PROM2: variants seen among roughly 807,000 people sequenced by gnomAD.
PROM2 encodes the protein prominin-2.
Under a neutral mutation model 110.2 loss-of-function variants are expected in PROM2, and 90 were observed. That is an observed-to-expected ratio of 0.82 (90% confidence interval 0.69 to 0.97). The LOEUF (loss-of-function observed/expected upper bound fraction) is 0.97, where lower values mean the gene tolerates loss of function less well. PROM2 is among the 50% of genes least tolerant of loss of function. The pLI, the probability that PROM2 is intolerant of heterozygous loss-of-function variation, is 0.00. For synonymous variants in PROM2, 470 were observed against 467.8 expected, an observed-to-expected ratio of 1.00 and a Z score of -0.06; for missense variants, 1,009 against 1,074.8, an observed-to-expected ratio of 0.94 and a Z score of 0.86.
chr2:95,276,621 T>C lies in PROM2; in HGVS notation c.646T>C (p.Ser216Pro), dbSNP rs770524606. 3.7e-6 allele frequency: 6 copies of C among 1,613,252 alleles called. No individual in the cohort carries two copies. The East Asian group carries it at 1.3e-4, about 36-fold the overall frequency. Residue 216 changes from serine (S) to proline (P), a missense_variant, in exon 5 of 24, where the codon TCC (serine) becomes CCC (proline). Coordinates refer to ENST00000317620, the MANE Select transcript of PROM2 (RefSeq NM_001165978.3). The surrounding 1 kb of genome is among the most constrained non-coding windows in gnomAD (Gnocchi z 4.6). ...GCTGCAGGCCGTGGCACAGCAATTC[T>C]CCCTGCCCCAGGAGCAAGTCTCAGA... is the stretch of plus-strand genomic sequence containing the variant. The part of the protein sequence containing the change: ...QELQAVAQQF[S>P]LPQEQVSEEL...
At position 95,290,355 on chromosome 2, in the gene PROM2, G is replaced by T. The variant is rs1206991939; in HGVS notation, c.*1142G>T. 1 of 152,178 alleles carries T rather than the reference G, an allele frequency of 6.6e-6. No homozygotes were observed. Among genetic ancestry groups the T allele is most frequent in the Non-Finnish European group, 1.5e-5 (1 of 68,036 alleles). 9.4% of individuals were successfully genotyped at this position (152,178 alleles called of 1,614,324 possible). A position where few individuals can be genotyped will look rare whatever the true frequency, so the allele number is the denominator to read the frequency against. ...GGGTCCTTAAAACCAGGTTTCCTAGGCTGGGACCCTGTACATAGTTGGTGT... is the reference window on the plus strand; with the variant it reads ...GGGTCCTTAAAACCAGGTTTCCTAGTCTGGGACCCTGTACATAGTTGGTGT... On this transcript the variant is annotated 3_prime_UTR_variant, in exon 24 of 24. Transcript: ENST00000317620.
At position 95,274,798 on chromosome 2, in the gene PROM2, C is replaced by G. The variant is rs1452612785; in HGVS notation, c.213C>G (p.Leu71=). 2 of 1,602,436 alleles carry G rather than the reference C, an allele frequency of 1.2e-6. No homozygotes were observed. Among genetic ancestry groups the G allele is most frequent in the South Asian group, 1.1e-5 (1 of 90,470 alleles). Reference sequence around the variant, plus strand: ...TCTATGGCACCGTGCGCCGCTTCCTCTCGGTGGTGCAGCTCAATCCTTTCC... The same window carrying G: ...TCTATGGCACCGTGCGCCGCTTCCTGTCGGTGGTGCAGCTCAATCCTTTCC... ...DSLYGTVRRF[L]SVVQLNPFPS... The change falls in exon 1 of 24, where the codon CTC becomes CTG. Residue 71 remains leucine (L), a synonymous_variant. Transcript: ENST00000317620.
chr2:95,288,092 C>A, intron 20 of PROM2, 119 bp from the exon 21 acceptor site: 1 of 928,594 alleles, frequency 1.1e-6, no homozygotes, highest in South Asian at 1.5e-5. Flanking sequence ...GTGCGGTGGC[C>A]CCAATGGTGT....
At position 95,282,130 on chromosome 2, in the gene PROM2, A is replaced by G; in HGVS notation, c.1644-12A>G. On this transcript the variant is annotated splice_polypyrimidine_tract_variant and intron_variant, in intron 13 of 23. Coordinates refer to ENST00000317620, the MANE Select transcript of PROM2 (RefSeq NM_001165978.3). Reference sequence around the variant, plus strand: ...CCAAGGCTCATCGTCTGCACCCCTCACTCCTCCTCAGGCAGTGCAAGGAAG... The same window carrying G: ...CCAAGGCTCATCGTCTGCACCCCTCGCTCCTCCTCAGGCAGTGCAAGGAAG... 1.2e-6 allele frequency: 2 copies of G among 1,609,542 alleles called. No homozygotes were observed. The highest frequency in any genetic ancestry group is 8.5e-7 in the Non-Finnish European group (1 of 1,178,642).
Position 95,285,118 on chromosome 2 carries a change from C to T in PROM2, c.1875+3C>T. The T allele has an allele frequency of 6.4e-7, 1 of 1,557,688 alleles. No individual in the cohort carries two copies. Among genetic ancestry groups the T allele is most frequent in the Non-Finnish European group, 8.7e-7 (1 of 1,148,916 alleles). On this transcript the variant is annotated splice_donor_region_variant and intron_variant, in intron 15 of 23. Transcript: ENST00000317620. ...ACTACCCCGACTTCCTCGTTCAGGT[C>T]AGCGGTGGGCACCTCAGCAGGGCTT...
Position 95,281,915 on chromosome 2 carries a change from C to G in PROM2, c.1552-10C>G. The stretch of plus-strand genomic sequence containing the variant: ...CGCTCTGTGCCCATTTCTCACTGCC[C>G]CATCCCCAGTTTGCAGACACCCCAG... On this transcript the variant is annotated splice_polypyrimidine_tract_variant and intron_variant, in intron 12 of 23. Transcript: ENST00000317620. The G allele has an allele frequency of 6.2e-7, 1 of 1,611,074 alleles. No individual in the cohort carries two copies. Among genetic ancestry groups the G allele is most frequent in the Non-Finnish European group, 8.5e-7 (1 of 1,177,348 alleles).
At chr2:95,274,882 C>G in intron 1 of PROM2, 53 bp downstream of exon 1, 1 of 1,494,242 alleles carries the variant, frequency 6.7e-7, no homozygotes, top group Non-Finnish European at 8.9e-7. Flanking sequence ...CCCAGCCCGG[C>G]TTCCTCTGTC....
chr2:95,291,208 G>C lies in PROM2; in HGVS notation c.*1995G>C, dbSNP rs1461043262. On this transcript the variant is annotated 3_prime_UTR_variant, in exon 24 of 24. Transcript: ENST00000317620. ...ACTGCCTCTTTTTGCTTTTCCTAGA[G>C]GTTTTTTTTTTGCTTGTTACTCATC... 6.6e-6 allele frequency: 1 copy of C among 151,792 alleles called. No homozygotes were observed. The highest frequency in any genetic ancestry group is 1.5e-5 in the Non-Finnish European group (1 of 67,954). 9.4% of individuals were successfully genotyped at this position (151,792 alleles called of 1,614,324 possible).
At chr2:95,285,583 G>C (rs553107554) in intron 15 of PROM2, 56 bp from the exon 16 acceptor site, 2 of 1,455,970 alleles carry the variant, frequency 1.4e-6, no homozygotes, top group African/African-American at 1.4e-5. Context: ...ATCAGGTGGT[G>C]GTGGGCCCCA....
At chr2:95,278,509 G>A (rs1416299747) in intron 8 of PROM2, 1 of 624,888 alleles carries the variant, frequency 1.6e-6, no homozygotes, top group Non-Finnish European at 2.9e-6. Context: ...GAGAGGGATG[G>A]GGGTAGGAAG....
At chr2:95,285,168 A>C in intron 15 of PROM2, 53 bp downstream of exon 15, 1 of 1,480,240 alleles carries the variant, frequency 6.8e-7, no homozygotes, top group Non-Finnish European at 9.0e-7. Flanking sequence ...GATGGAACGA[A>C]GGGGCCCACA....
intron 11 of PROM2, 119 bp downstream of exon 11, chr2:95,280,116 G>A (rs1676964596): frequency 3.8e-6 from 4 of 1,048,916 alleles, no homozygotes; most frequent in South Asian, 3.4e-5. Context: ...TGAATAAAGG[G>A]GTTGAACCAG....
At chr2:95,284,013 G>A (rs556726218) in intron 14 of PROM2, among the ~76,000 whole-genome samples, 7 of 152,204 alleles carry the variant, frequency 4.6e-5, no homozygotes, top group Non-Finnish European at 1.0e-4. Flanking sequence ...GCGGCTGAGA[G>A]AGCTATTTTA....
rs182223451 is a variant in PROM2, at chr2:95,291,283, T to G, written c.*2070T>G. On this transcript the variant is annotated 3_prime_UTR_variant, in exon 24 of 24. Transcript: ENST00000317620. ...CACCCTTGCATTTCAAAAATAAAAT[T>G]GATGGCATTACAAATGGAATAGAAA... 1.8e-3 allele frequency: 280 copies of G among 152,318 alleles called. 2 individuals are homozygous for G. The highest frequency in any genetic ancestry group is 6.6e-3 in the African/African-American group (273 of 41,582). The allele number at this position is 152,318 out of a possible 1,614,324, so 9.4% of individuals were successfully genotyped here. A position where few individuals can be genotyped will look rare whatever the true frequency, so the allele number is the denominator to read the frequency against.
intron 12 of PROM2, 110 bp downstream of exon 12, chr2:95,281,475 G>A (rs1287000707): frequency 7.7e-6 from 10 of 1,293,708 alleles, no homozygotes; most frequent in Non-Finnish European, 9.4e-6. Flanking sequence ...AGGGAGAGAG[G>A]GAGGGGAGGA....
At position 95,278,638 on chromosome 2, in the gene PROM2, C is replaced by G. The variant is rs1258439643; in HGVS notation, c.1051-83C>G. The G allele has an allele frequency of 2.0e-6, 3 of 1,532,564 alleles. No individual in the cohort carries two copies. The African/African-American group carries it at 4.1e-5, about 21-fold the overall frequency. The allele number at this position is 1,532,564 out of a possible 1,614,324, so 94.9% of individuals were successfully genotyped here. A position where few individuals can be genotyped will look rare whatever the true frequency, so the allele number is the denominator to read the frequency against. On this transcript the variant is annotated intron_variant, in intron 8 of 23. Coordinates refer to ENST00000317620, the MANE Select transcript of PROM2 (RefSeq NM_001165978.3). ...CTGGGAGCACTGAGGGGGGCCCTCC[C>G]TCTAGGCCTGGTGACTTTGGGGTCT...
chr2:95,285,147 C>T (rs1314604967), intron 15 of PROM2, 32 bp downstream of exon 15: 17 of 1,517,558 alleles, frequency 1.1e-5, no homozygotes, highest in African/African-American at 1.4e-5. Flanking sequence ...AGGGCTTCCT[C>T]AGCAGGTGGT....
rs758223322 is a variant in PROM2, at chr2:95,281,259, T to C, written c.1445T>C (p.Phe482Ser). The C allele has an allele frequency of 2.5e-6, 4 of 1,613,032 alleles. No individual in the cohort carries two copies. The highest frequency in any genetic ancestry group is 2.5e-6 in the Non-Finnish European group (3 of 1,179,992). ...TACCCCAGAGGTGTGGGCCTCAGCT[T>C]CCTCTTTGCTGCACCCCTCATCCTC... ...RFLMAGVGLS[F>S]LFAAPLILLV... The change falls in exon 12 of 24, where the codon TTC becomes TCC. Residue 482 changes from phenylalanine to serine, a missense_variant. Coordinates refer to ENST00000317620, the MANE Select transcript of PROM2 (RefSeq NM_001165978.3).
At chr2:95,286,613 G>A (rs1282981253) in intron 17 of PROM2, 42 bp downstream of exon 17, 2 of 1,545,686 alleles carry the variant, frequency 1.3e-6, no homozygotes, top group Admixed American at 3.4e-5. Flanking sequence ...TGGGGGAGGG[G>A]AGACGTGGAG....
Sources: allele counts gnomAD v4.1 joint callset (sites outside exome capture counted in the v4.1 genomes callset), GRCh38; gene constraint gnomAD v4.1.1; non-coding constraint Gnocchi (gnomAD v3.1); transcripts MANE v1.5; gene names NCBI Gene and HGNC (gene_info 2026-07-23, HGNC 2026-07-21).